The following SLC3A1 variants were observed in gnomAD, a reference collection of about 807,000 sequenced individuals.
SLC3A1 encodes the protein solute carrier family 3 member 1, also known as amino acid transporter heavy chain SLC3A1.
A neutral mutation model predicts 60.3 loss-of-function variants in SLC3A1; 78 were observed. That is an observed-to-expected ratio of 1.29 (90% CI 1.08 to 1.56). The LOEUF (loss-of-function observed/expected upper bound fraction) is 1.56. Among genes scored for constraint, SLC3A1 ranks in the 40% most tolerant of loss-of-function variants. The pLI, the probability that SLC3A1 is intolerant of heterozygous loss-of-function variation, is 0.00. For synonymous variants in SLC3A1, 392 were observed against 307.9 expected (o/e 1.27, Z -2.86); for missense variants, 1,172 against 858.9 (o/e 1.36, Z -4.56).
At chr2:44,309,672 T>C (rs1305298739) in intron 7 of SLC3A1, among the ~76,000 whole-genome samples, 1 of 152,246 alleles carries the variant, frequency 6.6e-6, no homozygotes, top group Non-Finnish European at 1.5e-5. Flanking sequence ...TGATCTCGGC[T>C]CACTGCAACC....
intron 1 of SLC3A1, among the ~76,000 whole-genome samples, chr2:44,279,903 T>A (rs1367882606): frequency 6.6e-6 from 1 of 152,076 alleles, no homozygotes; most frequent in East Asian, 1.9e-4. Context: ...TTCTTTCTTT[T>A]TGTACAGGGT....
Position 44,278,148 on chromosome 2 carries a change from A to G in SLC3A1, c.430+2183A>G, listed in dbSNP as rs529908870. The stretch of plus-strand genomic sequence containing the variant: ...GGGGAACTGGGGTACAGAGACAGAA[A>G]TAAGCAGCCTGTCAGGCCAGGCGTG... On this transcript the variant is annotated intron_variant, in intron 1 of 9. Coordinates refer to ENST00000260649, the MANE Select transcript of SLC3A1 (RefSeq NM_000341.4). 1.1e-4 allele frequency among the ~76,000 whole-genome samples: 16 copies of G among 152,240 alleles called. No individual in the cohort carries two copies. The East Asian group carries it at 2.7e-3, about 26-fold the overall frequency.
At chr2:44,303,062 G>A (rs530079216) in intron 6 of SLC3A1, among the ~76,000 whole-genome samples, 8 of 151,722 alleles carry the variant, frequency 5.3e-5, no homozygotes, top group Middle Eastern at 3.4e-3. Context: ...TTAGCTGGGC[G>A]TGGTGGCGGG....
At chr2:44,280,942 A>C in intron 2 of SLC3A1, 47 bp downstream of exon 2, 1 of 1,522,882 alleles carries the variant, frequency 6.6e-7, no homozygotes, top group Non-Finnish European at 9.1e-7. Context: ...GTTTGAGAGA[A>C]GCACTTTTTC....
rs149813423 is a variant in SLC3A1 at position 44,275,776 on chromosome 2, C to G, written c.241C>G (p.Arg81Gly). The G allele has an allele frequency of 1.2e-6, 2 of 1,614,226 alleles. No individual in the cohort carries two copies. Among genetic ancestry groups the G allele is most frequent in the Admixed American group, 3.3e-5 (2 of 60,032 alleles). Residue 81 changes from arginine (R) to glycine (G), a missense_variant, in exon 1 of 10, where the codon CGC becomes GGC. Physicochemically the swap from Arg to Gly is moderately radical, Grantham distance 125. Transcript: ENST00000260649. ...GCTGTTCCAGTTCTCTGGCCAGGCC[C>G]GCTACCGCATACCTCGGGAGATCCT... is the stretch of plus-strand genomic sequence containing the variant. ...EVLFQFSGQA[R>G]YRIPREILFW...
chr2:44,302,246 A>C (rs982801605), intron 6 of SLC3A1, among the ~76,000 whole-genome samples: 63 of 152,212 alleles, frequency 4.1e-4, no homozygotes, highest in African/African-American at 1.3e-3. Context: ...GTTAATTAAC[A>C]TAAGTCTCAG....
chr2:44,318,641 A>G (rs1475072841), intron 9 of SLC3A1: 2 of 152,260 alleles, frequency 1.3e-5, no homozygotes, highest in African/African-American at 4.8e-5. Flanking sequence ...ATGATACATT[A>G]AAAACAAAAG....
chr2:44,286,969 A>C (rs1369425460), intron 4 of SLC3A1, among the ~76,000 whole-genome samples: 1 of 152,164 alleles, frequency 6.6e-6, no homozygotes, highest in Non-Finnish European at 1.5e-5. Context: ...TCATCTATGA[A>C]ACACAGTTGG....
chr2:44,298,658 G>T (rs1020417298), intron 4 of SLC3A1, among the ~76,000 whole-genome samples: 2 of 151,996 alleles, frequency 1.3e-5, no homozygotes, highest in Non-Finnish European at 2.9e-5. Context: ...GATTATAGGC[G>T]TGAGCCGCTG....
downstream of SLC3A1, chr2:44,321,649 AAGAG>A (rs1439394907): frequency 1.3e-6 from 2 of 1,516,696 alleles, no homozygotes; most frequent in Non-Finnish European, 1.8e-6. Context: ...TATCAAGTAC[AAGAG>A]AGAGACATTT....
Position 44,320,689 on chromosome 2 carries a change from C to G in SLC3A1, c.*50C>G. 7.2e-7 allele frequency: 1 copy of G among 1,381,632 alleles called. No individual in the cohort carries two copies. The highest frequency in any genetic ancestry group is 1.0e-6 in the Non-Finnish European group (1 of 968,968). 85.6% of individuals were successfully genotyped at this position (1,381,632 alleles called of 1,614,324 possible). On this transcript the variant is annotated 3_prime_UTR_variant, in exon 10 of 10. Coordinates refer to ENST00000260649, the MANE Select transcript of SLC3A1 (RefSeq NM_000341.4). ...ACTGGCATTTCAGTGGGATTGTAAG[C>G]ATTTGTAATAGCTTCATGTACAGCA...
chr2:44,297,734 G>A (rs1375892495), intron 4 of SLC3A1, among the ~76,000 whole-genome samples: 1 of 152,112 alleles, frequency 6.6e-6, no homozygotes. Flanking sequence ...CTGTTTCAGA[G>A]GCCTACAGAC....
intron 7 of SLC3A1, among the ~76,000 whole-genome samples, chr2:44,311,533 T>C (rs1050994374): frequency 2.0e-5 from 3 of 152,194 alleles, no homozygotes; most frequent in African/African-American, 7.2e-5. Flanking sequence ...TCCCAGTGTT[T>C]GTTGTGCTCT....
chr2:44,305,961 C>T (rs575708848), intron 7 of SLC3A1, among the ~76,000 whole-genome samples: 1 of 152,230 alleles, frequency 6.6e-6, no homozygotes, highest in East Asian at 1.9e-4. Flanking sequence ...CCACACAATT[C>T]CACGATGTCT....
intron 4 of SLC3A1, among the ~76,000 whole-genome samples, chr2:44,287,989 T>G (rs1395593987): frequency 3.3e-5 from 5 of 152,214 alleles, no homozygotes; most frequent in African/African-American, 9.7e-5. Flanking sequence ...TTCAGTGGTT[T>G]TAGTATCTTC....
intron 7 of SLC3A1, among the ~76,000 whole-genome samples, chr2:44,308,045 T>C (rs970144362): frequency 2.0e-5 from 3 of 152,146 alleles, no homozygotes; most frequent in Non-Finnish European, 4.4e-5. Context: ...GAGGCTGAGG[T>C]GGGAGTTGAG....
At chr2:44,307,725 C>T (rs887847538) in intron 7 of SLC3A1, among the ~76,000 whole-genome samples, 1 of 152,004 alleles carries the variant, frequency 6.6e-6, no homozygotes, top group Admixed American at 6.6e-5. Flanking sequence ...TGTAAGAATT[C>T]CTGATATATA....
rs149813423 is a variant in SLC3A1 at position 44,275,776 on chromosome 2, C to T, written c.241C>T (p.Arg81Cys). The change falls in exon 1 of 10, where the codon CGC (arginine) becomes TGC (cysteine). Residue 81 changes from arginine to cysteine, a missense_variant. Physicochemically the swap from Arg to Cys is radical, Grantham distance 180. Transcript: ENST00000260649. ...GCTGTTCCAGTTCTCTGGCCAGGCC[C>T]GCTACCGCATACCTCGGGAGATCCT... ...EVLFQFSGQA[R>C]YRIPREILFW... 831 of 1,614,108 alleles carry T rather than the reference C, an allele frequency of 5.1e-4. No individual in the cohort carries two copies. Among genetic ancestry groups the T allele is most frequent in the Non-Finnish European group, 6.6e-4 (780 of 1,180,054 alleles).
intron 4 of SLC3A1, among the ~76,000 whole-genome samples, chr2:44,297,190 C>T (rs1361235130): frequency 1.3e-5 from 2 of 152,294 alleles, no homozygotes; most frequent in South Asian, 4.1e-4. Context: ...TATATACATT[C>T]CTGTGAAACC....
Sources: gnomAD v4.1 joint callset for allele counts (sites outside exome capture counted in the v4.1 genomes callset) on GRCh38, gnomAD v4.1.1 for gene constraint, MANE v1.5 for transcripts, NCBI Gene and HGNC (gene_info 2026-07-23, HGNC 2026-07-21) for gene names.